Variants in EXOC4 observed in about 807,000 individuals in gnomAD.
EXOC4 encodes the protein exocyst complex component 4, also known as SEC8-like 1.
EXOC4 carries 71 observed loss-of-function variants against 107.2 expected under a neutral mutation model. That is an observed-to-expected ratio of 0.66 (90% confidence interval 0.55 to 0.81). The LOEUF (loss-of-function observed/expected upper bound fraction) is 0.81. Ranked by LOEUF, EXOC4 falls within the 30% of genes least tolerant of loss-of-function variation. The pLI, the probability that EXOC4 is intolerant of heterozygous loss-of-function variation, is 0.00. For synonymous variants in EXOC4, 456 were observed against 441.2 expected, an observed-to-expected ratio of 1.03 and a Z score of -0.42; for missense variants, 1,108 against 1,189.6, an observed-to-expected ratio of 0.93 and a Z score of 1.01.
rs1317606774 is a variant in EXOC4, at chr7:133,441,285, A to G, written c.1183-34043A>G. ...GGAATATGTGGAAGGAAGGAATGTA[A>G]TGAAGGGACTAGCAGAAGGTAGGTT... On this transcript the variant is annotated intron_variant, in intron 7 of 17. Transcript: ENST00000253861. Among the ~76,000 whole-genome samples the G allele has an allele frequency of 3.4e-4, 51 of 152,182 alleles. 1 individual carries two copies. Among genetic ancestry groups the G allele is most frequent in the Admixed American group, 3.3e-3 (51 of 15,282 alleles).
chr7:133,541,582 C>T (rs376770013), intron 9 of EXOC4, among the ~76,000 whole-genome samples: 1 of 152,256 alleles, frequency 6.6e-6, no homozygotes, highest in African/African-American at 2.4e-5. Context: ...TCACTGCAGC[C>T]TCAACCTCCT....
chr7:133,594,018 T>C (rs1052767643), intron 9 of EXOC4, among the ~76,000 whole-genome samples: 1 of 152,198 alleles, frequency 6.6e-6, no homozygotes, highest in African/African-American at 2.4e-5. Flanking sequence ...ACAAGTAAAA[T>C]TGAAGCAATT....
At chr7:133,911,553 C>T (rs1799696143) in intron 12 of EXOC4, among the ~76,000 whole-genome samples, 1 of 152,112 alleles carries the variant, frequency 6.6e-6, no homozygotes, top group South Asian at 2.1e-4. Context: ...GGGATCGATG[C>T]ATATTAGAGA....
chr7:133,820,785 G>T (rs996512109), intron 11 of EXOC4, among the ~76,000 whole-genome samples: 1 of 152,350 alleles, frequency 6.6e-6, no homozygotes, highest in East Asian at 1.9e-4. Flanking sequence ...AGCTGTCTCA[G>T]TGATGCTTCC....
At chr7:133,662,578 G>A (rs1056223591) in intron 10 of EXOC4, among the ~76,000 whole-genome samples, 4 of 151,890 alleles carry the variant, frequency 2.6e-5, no homozygotes, top group Non-Finnish European at 5.9e-5. Flanking sequence ...TAGTTTAAGA[G>A]CGTTATTTAA....
intron 15 of EXOC4, among the ~76,000 whole-genome samples, chr7:134,000,989 G>A (rs1368169267): frequency 2.0e-5 from 3 of 151,954 alleles, no homozygotes; most frequent in Non-Finnish European, 2.9e-5. Context: ...CCAATCCAGC[G>A]CAGTCTGTGT....
At chr7:134,038,561 A>G (rs919142180) in intron 17 of EXOC4, among the ~76,000 whole-genome samples, 3 of 152,170 alleles carry the variant, frequency 2.0e-5, no homozygotes, top group African/African-American at 7.2e-5. Context: ...CTAACACACT[A>G]ATTTTATTCT....
chr7:133,592,918 T>C (rs1801583903), intron 9 of EXOC4, among the ~76,000 whole-genome samples: 1 of 152,126 alleles, frequency 6.6e-6, no homozygotes, highest in South Asian at 2.1e-4. Flanking sequence ...AGCTACTTTT[T>C]GTATTTTTAG....
chr7:133,341,229 A>G (rs1428705586), intron 5 of EXOC4, among the ~76,000 whole-genome samples: 14 of 152,114 alleles, frequency 9.2e-5, no homozygotes. Flanking sequence ...GATAGGTTGT[A>G]TCACTGTCAC....
intron 11 of EXOC4, among the ~76,000 whole-genome samples, chr7:133,826,913 T>C (rs1797717670): frequency 6.6e-6 from 1 of 152,146 alleles, no homozygotes; most frequent in Non-Finnish European, 1.5e-5. Context: ...TCTATATTTG[T>C]TTTATAGCAT....
chr7:134,036,309 C>T (rs931741884), intron 17 of EXOC4, among the ~76,000 whole-genome samples: 1 of 152,146 alleles, frequency 6.6e-6, no homozygotes, highest in Non-Finnish European at 1.5e-5. Context: ...CAGAGCTGCC[C>T]GGGTGCAATG....
chr7:133,586,513 A>G (rs942788737), intron 9 of EXOC4, among the ~76,000 whole-genome samples: 2 of 152,058 alleles, frequency 1.3e-5, no homozygotes, highest in Admixed American at 6.6e-5. Flanking sequence ...TATCCAGTCT[A>G]CCATTGATGG....
At chr7:133,404,871 GC>G (rs149404161) in intron 7 of EXOC4, among the ~76,000 whole-genome samples, 42,411 of 86,434 alleles carry the variant, frequency 0.49, 8,254 homozygotes, top group East Asian at 0.61. Flanking sequence ...CACCCCCTGC[GC>G]CCCCCCCCCC....
At chr7:133,955,794 C>T (rs897150544) in intron 14 of EXOC4, among the ~76,000 whole-genome samples, 4 of 152,236 alleles carry the variant, frequency 2.6e-5, no homozygotes, top group African/African-American at 9.6e-5. Context: ...AAGGGGCTGG[C>T]GTGTCAGCAC....
At position 133,647,944 on chromosome 7, in the gene EXOC4, A is replaced by G. The variant is rs554183845; in HGVS notation, c.1514+17803A>G. Among the ~76,000 whole-genome samples the G allele has an allele frequency of 2.0e-5, 3 of 152,256 alleles. No individual in the cohort carries two copies. The South Asian group carries it at 6.2e-4, about 32-fold the overall frequency. On this transcript the variant is annotated intron_variant, in intron 10 of 17. Coordinates refer to ENST00000253861, the MANE Select transcript of EXOC4 (RefSeq NM_021807.4). ...GCCAGGTCAAGATGAGCTCCTCAGA[A>G]CACTTTGTTATGTTGGTCCAGCCCA... is the stretch of plus-strand genomic sequence containing the variant.
intron 9 of EXOC4, among the ~76,000 whole-genome samples, chr7:133,539,005 C>G (rs1202192826): frequency 2.0e-5 from 3 of 151,132 alleles, no homozygotes; most frequent in Non-Finnish European, 4.4e-5. Flanking sequence ...TTAATATAAA[C>G]TGCTGCTGAT....
chr7:133,429,531 T>C (rs1409652546), intron 7 of EXOC4, among the ~76,000 whole-genome samples: 4 of 152,210 alleles, frequency 2.6e-5, no homozygotes, highest in South Asian at 2.1e-4. Flanking sequence ...ATCACCACTG[T>C]CTAATTCCAG....
At chr7:133,357,181 G>T (rs77990621) in intron 6 of EXOC4, among the ~76,000 whole-genome samples, 1,594 of 152,284 alleles carry the variant, frequency 0.01, 25 homozygotes, top group African/African-American at 0.036. Context: ...TAATGTAGCA[G>T]CTATTGTACA....
intron 9 of EXOC4, among the ~76,000 whole-genome samples, chr7:133,537,302 C>A (rs983706758): frequency 2.0e-5 from 3 of 148,786 alleles, no homozygotes; most frequent in South Asian, 2.2e-4. Flanking sequence ...AGGCACCCCC[C>A]CCCCCACCAC....
Sources: allele counts gnomAD v4.1 joint callset (sites outside exome capture counted in the v4.1 genomes callset), GRCh38; gene constraint gnomAD v4.1.1; transcripts MANE v1.5; gene names NCBI Gene and HGNC (gene_info 2026-07-23, HGNC 2026-07-21).